The following IL7 variants were observed in gnomAD, a reference collection of about 807,000 sequenced individuals.
IL7 encodes the protein interleukin 7, also known as interleukin-7.
In IL7, 3 loss-of-function variants were observed where a neutral mutation model predicts 21.6. The ratio of observed to expected loss-of-function variants is 0.14; its 90% CI spans 0.06 to 0.36. The LOEUF is 0.36. IL7 is among the 10% of genes least tolerant of loss of function. The pLI, the probability that IL7 is intolerant of heterozygous loss-of-function variation, is 1.00. For synonymous variants in IL7, 62 were observed against 68.1 expected, an observed-to-expected ratio of 0.91 and a Z score of 0.44; for missense variants, 175 against 200.2, an observed-to-expected ratio of 0.87 and a Z score of 0.76.
intron 2 of IL7, chr8:78,760,194 G>A (rs185640968): frequency 2.6e-6 from 4 of 1,559,984 alleles, no homozygotes; most frequent in Non-Finnish European, 3.5e-6. Flanking sequence ...TGACTTACTT[G>A]TATAGAGTTT....
At chr8:78,801,953 T>A (rs1364190983) in intron 1 of IL7, among the ~76,000 whole-genome samples, 1 of 152,174 alleles carries the variant, frequency 6.6e-6, no homozygotes, top group Admixed American at 6.5e-5. Context: ...TTGGCATTGT[T>A]GTCACACCCA....
exon 7 of IL7, chr8:78,718,036 C>G (rs140611881): frequency 1.3e-5 from 2 of 151,464 alleles, no homozygotes; most frequent in African/African-American, 4.8e-5. Context: ...TTCATAAATC[C>G]GAAAAACTAA....
intron 2 of IL7, among the ~76,000 whole-genome samples, chr8:78,791,499 G>C (rs1032254405): frequency 6.6e-6 from 1 of 152,118 alleles, no homozygotes; most frequent in Admixed American, 6.6e-5. Flanking sequence ...AATTAGCTGG[G>C]TGTGGTGGCA....
chr8:78,730,916 C>A (rs189780247), downstream of IL7, among the ~76,000 whole-genome samples: 218 of 151,958 alleles, frequency 1.4e-3, no homozygotes, highest in African/African-American at 5.0e-3. Context: ...GAAGTCATAG[C>A]AATTGAGGAA....
At chr8:78,752,390 C>T (rs1401540892) in intron 2 of IL7, among the ~76,000 whole-genome samples, 2 of 152,116 alleles carry the variant, frequency 1.3e-5, no homozygotes, top group Admixed American at 6.5e-5. Context: ...ACATTCCCAC[C>T]AACAATTCCA....
At chr8:78,747,117 G>C in intron 2 of IL7, 1 of 455,418 alleles carries the variant, frequency 2.2e-6, no homozygotes. Context: ...GAAAGTTTTG[G>C]CATAGAATAT....
chr8:78,687,603 C>T (rs984640999), intron 3 of IL7, among the ~76,000 whole-genome samples: 9 of 131,618 alleles, frequency 6.8e-5, no homozygotes, highest in African/African-American at 1.1e-4. Flanking sequence ...TATATATTTA[C>T]ATAATACATT....
chr8:78,783,598 C>T (rs1813412777), intron 2 of IL7, among the ~76,000 whole-genome samples: 2 of 152,098 alleles, frequency 1.3e-5, no homozygotes, highest in Non-Finnish European at 2.9e-5. Context: ...ATATACCATC[C>T]TACAAGCAGC....
intron 1 of IL7, among the ~76,000 whole-genome samples, chr8:78,800,918 T>A (rs1458556765): frequency 6.6e-6 from 1 of 152,290 alleles, no homozygotes; most frequent in East Asian, 1.9e-4. Context: ...ATACATGAGG[T>A]TGTTTTACTT....
intron 2 of IL7, among the ~76,000 whole-genome samples, chr8:78,768,354 C>T (rs1469084975): frequency 6.6e-6 from 1 of 151,538 alleles, no homozygotes; most frequent in Non-Finnish European, 1.5e-5. Context: ...ACACTGACTT[C>T]CACAATGGTT....
At chr8:78,686,806 T>G (rs1289749100) in intron 3 of IL7, among the ~76,000 whole-genome samples, 1 of 152,138 alleles carries the variant, frequency 6.6e-6, no homozygotes, top group Non-Finnish European at 1.5e-5. Flanking sequence ...TGGAAGTGTA[T>G]TATGTTTTTA....
At chr8:78,699,504 G>C (rs1434596597) in intron 3 of IL7, among the ~76,000 whole-genome samples, 1 of 151,976 alleles carries the variant, frequency 6.6e-6, no homozygotes, top group Non-Finnish European at 1.5e-5. Flanking sequence ...TACAAGTGCA[G>C]GTTTGTTACA....
chr8:78,788,954 T>C (rs1274819882), intron 2 of IL7, among the ~76,000 whole-genome samples: 1 of 152,182 alleles, frequency 6.6e-6, no homozygotes, highest in Non-Finnish European at 1.5e-5. Context: ...TAATTGGCCC[T>C]TTATTATTAT....
chr8:78,726,318 G>A (rs999225929), intron 3 of IL7, among the ~76,000 whole-genome samples: 2 of 152,128 alleles, frequency 1.3e-5, no homozygotes, highest in East Asian at 1.9e-4. Context: ...AGAGAGGAAA[G>A]AGTATTTCAT....
At chr8:78,789,613 T>C (rs960167695) in intron 2 of IL7, among the ~76,000 whole-genome samples, 1 of 152,006 alleles carries the variant, frequency 6.6e-6, no homozygotes, top group African/African-American at 2.4e-5. Flanking sequence ...AACTCAAGCA[T>C]CATTAAAAAG....
intron 3 of IL7, among the ~76,000 whole-genome samples, chr8:78,727,435 A>C (rs957857607): frequency 6.6e-6 from 1 of 152,096 alleles, no homozygotes; most frequent in African/African-American, 2.4e-5. Context: ...TTAGAAGAAT[A>C]GTACAGAATC....
At chr8:78,749,144 C>A (rs1324404339) in intron 2 of IL7, among the ~76,000 whole-genome samples, 1 of 152,082 alleles carries the variant, frequency 6.6e-6, no homozygotes, top group African/African-American at 2.4e-5. Flanking sequence ...GCCCAGAGAA[C>A]AATGAAGACT....
At chr8:78,723,394 A>T (rs1450226007) in intron 3 of IL7, among the ~76,000 whole-genome samples, 2 of 151,998 alleles carry the variant, frequency 1.3e-5, no homozygotes, top group African/African-American at 4.8e-5. Context: ...TATCACTGGC[A>T]ACCTTAAAAT....
intron 2 of IL7, among the ~76,000 whole-genome samples, chr8:78,782,496 G>T (rs1313443278): frequency 6.6e-6 from 1 of 152,068 alleles, no homozygotes; most frequent in Non-Finnish European, 1.5e-5. Context: ...GTTGCTGGGG[G>T]TTCACTCCAG....
Sources: allele counts gnomAD v4.1 joint callset (sites outside exome capture counted in the v4.1 genomes callset), GRCh38; gene constraint gnomAD v4.1.1; transcripts MANE v1.5; gene names NCBI Gene and HGNC (gene_info 2026-07-23, HGNC 2026-07-21).